Variants in PIWIL2 observed in about 807,000 individuals in gnomAD.
The protein encoded by PIWIL2 is piwi-like protein 2.
A neutral mutation model predicts 116.5 loss-of-function variants in PIWIL2; 81 were observed. The observed-to-expected ratio is 0.70, with a 90% CI of 0.58 to 0.84. The LOEUF is 0.84. PIWIL2 is among the 40% of genes least tolerant of loss of function. The pLI, the probability that PIWIL2 is intolerant of heterozygous loss-of-function variation, is 0.00. For missense variants in PIWIL2, 1,272 were observed against 1,212.3 expected (o/e 1.05, Z -0.73); for synonymous variants, 489 against 429.5 (o/e 1.14, Z -1.71).
intron 20 of PIWIL2, among the ~76,000 whole-genome samples, chr8:22,327,123 G>A (rs540367968): frequency 7.1e-6 from 1 of 140,672 alleles, no homozygotes; most frequent in South Asian, 2.3e-4. Context: ...CACCTCCTAA[G>A]TTCAAGAGAT....
chr8:22,337,194 A>T (rs1280693362), intron 20 of PIWIL2, among the ~76,000 whole-genome samples: 1 of 152,176 alleles, frequency 6.6e-6, no homozygotes. Flanking sequence ...AGAAAACTGC[A>T]GAAGGATCCA....
chr8:22,287,760 A>G (rs1013221704), intron 7 of PIWIL2, 115 bp downstream of exon 7: 4 of 712,414 alleles, frequency 5.6e-6, no homozygotes, highest in Non-Finnish European at 1.0e-5. Context: ...ACTGGTCTCG[A>G]ATTCCCAAAG....
chr8:22,290,735 A>G (rs1830742308), intron 10 of PIWIL2, among the ~76,000 whole-genome samples: 1 of 147,780 alleles, frequency 6.8e-6, no homozygotes, highest in African/African-American at 2.5e-5. Flanking sequence ...TATAGGCATG[A>G]GTCATGGCAC....
At chr8:22,338,874 A>G (rs1372405896) in intron 20 of PIWIL2, among the ~76,000 whole-genome samples, 1 of 152,202 alleles carries the variant, frequency 6.6e-6, no homozygotes, top group East Asian at 1.9e-4. Flanking sequence ...ATGGAAATGC[A>G]AAAACATAGA....
chr8:22,330,297 T>G (rs1423983876), intron 20 of PIWIL2, among the ~76,000 whole-genome samples: 4 of 152,198 alleles, frequency 2.6e-5, no homozygotes, highest in African/African-American at 9.6e-5. Context: ...GGTTCTTTCT[T>G]GTAATTTCTG....
In PIWIL2 at chr8:22,351,218, C is replaced by G. The variant is rs1832345817; in HGVS notation, c.2404-1741C>G. On this transcript the variant is annotated intron_variant, in intron 20 of 22. Transcript: ENST00000356766. ...CCTGTAGTTCCAGCTACTTGACAGG[C>G]TGAGGCAGGAGGATCTCTTGAGCTT... Among the ~76,000 whole-genome samples the G allele has an allele frequency of 2.6e-5, 4 of 151,228 alleles. No homozygotes were observed. The South Asian group carries it at 8.4e-4, about 32-fold the overall frequency.
intron 20 of PIWIL2, chr8:22,322,082 A>G (rs1307938078): frequency 2.9e-5 from 16 of 559,412 alleles, no homozygotes; most frequent in Non-Finnish European, 2.9e-5. Context: ...AGGTTAGAGG[A>G]TAGAGTTCCC....
chr8:22,299,488 G>A (rs1223723684), intron 10 of PIWIL2, among the ~76,000 whole-genome samples: 2 of 152,064 alleles, frequency 1.3e-5, no homozygotes, highest in Non-Finnish European at 2.9e-5. Context: ...GATTGCAAGC[G>A]TGAGCCACCG....
rs769045308 is a variant in PIWIL2 at position 22,311,153 on chromosome 8, A to G, written c.1842A>G (p.Ala614=). 1.9e-6 allele frequency: 3 copies of G among 1,614,084 alleles called. No homozygotes were observed. The highest frequency in any genetic ancestry group is 1.1e-5 in the South Asian group (1 of 91,050). ...GGGCACTTTTTTACCCAAAGAGAGC[A>G]ATGGACCAGGCTCGAGAACTGGTCA... ...HFWALFYPKR[A]MDQARELVNM... Residue 614 remains alanine (A), a synonymous_variant, in exon 16 of 23, where the codon GCA becomes GCG. Coordinates refer to ENST00000356766, the MANE Select transcript of PIWIL2 (RefSeq NM_018068.5).
intron 1 of PIWIL2, among the ~76,000 whole-genome samples, chr8:22,276,265 C>A (rs1383645068): frequency 6.6e-6 from 1 of 152,190 alleles, no homozygotes. Flanking sequence ...TTAATATTTT[C>A]TTTAAATGTA....
chr8:22,281,959 G>A (rs1473414187), intron 4 of PIWIL2, among the ~76,000 whole-genome samples: 1 of 151,100 alleles, frequency 6.6e-6, no homozygotes, highest in Non-Finnish European at 1.5e-5. Flanking sequence ...TTTTAGTAGA[G>A]ACGAGGTTTC....
chr8:22,309,121 C>G (rs561929380), intron 14 of PIWIL2, among the ~76,000 whole-genome samples: 12 of 151,926 alleles, frequency 7.9e-5, no homozygotes, highest in African/African-American at 2.4e-4. Flanking sequence ...GCCACCACGT[C>G]CGGCTAATTT....
At chr8:22,316,219 G>C (rs747227310) in intron 18 of PIWIL2, 26 bp from the exon 19 acceptor site, 4 of 1,503,788 alleles carry the variant, frequency 2.7e-6, no homozygotes, top group Non-Finnish European at 3.7e-6. Flanking sequence ...CTGGGGTTTG[G>C]TTTTTGTTTT....
Position 22,311,280 on chromosome 8 carries a change from C to A in PIWIL2, c.1969C>A (p.Gln657Lys). ...AATAGAGACTTATGTCAGAACCATT[C>A]AATCCACGTTAGGAGCTGAGGTAAA... ...DRIETYVRTI[Q>K]STLGAEGKIQ... is the part of the protein sequence containing the mutation. Residue 657 changes from glutamine (Q) to lysine (K), a missense_variant, in exon 16 of 23, where the codon CAA becomes AAA. Coordinates refer to ENST00000356766, the MANE Select transcript of PIWIL2 (RefSeq NM_018068.5). The A allele has an allele frequency of 6.2e-7, 1 of 1,611,348 alleles. No homozygotes were observed. Among genetic ancestry groups the A allele is most frequent in the East Asian group, 2.2e-5 (1 of 44,866 alleles).
At chr8:22,353,928 A>G (rs989138048) in intron 21 of PIWIL2, among the ~76,000 whole-genome samples, 2 of 151,948 alleles carry the variant, frequency 1.3e-5, no homozygotes, top group African/African-American at 4.8e-5. Context: ...GGCGTATGCC[A>G]CCATGCCCAA....
intron 20 of PIWIL2, among the ~76,000 whole-genome samples, chr8:22,323,249 G>A (rs1440128129): frequency 6.8e-6 from 1 of 146,006 alleles, no homozygotes; most frequent in Non-Finnish European, 1.5e-5. Flanking sequence ...CCGGGTTCAA[G>A]CAATTCTTCT....
intron 20 of PIWIL2, among the ~76,000 whole-genome samples, chr8:22,320,946 A>G (rs1831583837): frequency 6.6e-6 from 1 of 152,076 alleles, no homozygotes; most frequent in Admixed American, 6.6e-5. Flanking sequence ...GACTGTCTTG[A>G]TTCCTTTTCC....
intron 1 of PIWIL2, among the ~76,000 whole-genome samples, chr8:22,276,389 C>A (rs1005492101): frequency 2.0e-5 from 3 of 152,194 alleles, no homozygotes; most frequent in African/African-American, 7.2e-5. Context: ...GATCTCTGCT[C>A]ACTGCAACCT....
intron 10 of PIWIL2, among the ~76,000 whole-genome samples, chr8:22,293,980 T>C (rs1378373141): frequency 6.6e-6 from 1 of 152,210 alleles, no homozygotes; most frequent in Non-Finnish European, 1.5e-5. Context: ...GGGCATTGAC[T>C]AGGGAGAATG....
Sources: gnomAD v4.1 joint callset for allele counts (sites outside exome capture counted in the v4.1 genomes callset) on GRCh38, gnomAD v4.1.1 for gene constraint, MANE v1.5 for transcripts, NCBI Gene and HGNC (gene_info 2026-07-23, HGNC 2026-07-21) for gene names.